Variants in NEGR1 observed in about 807,000 individuals in gnomAD.
NEGR1 encodes neuronal growth regulator 1.
Under a neutral mutation model 40.9 loss-of-function variants are expected in NEGR1, and 10 were observed. That is an observed-to-expected ratio of 0.24 (90% CI 0.15 to 0.42). The LOEUF is 0.42. Ranked by LOEUF, NEGR1 falls within the 10% of genes least tolerant of loss-of-function variation. NEGR1 has a pLI of 1.00. For missense variants in NEGR1, 352 were observed against 438.9 expected (o/e 0.80, Z 1.77); for synonymous variants, 185 against 166.8 (o/e 1.11, Z -0.84).
At chr1:71,679,152 CA>C (rs1231046038) in intron 4 of NEGR1, among the ~76,000 whole-genome samples, 1 of 152,124 alleles carries the variant, frequency 6.6e-6, no homozygotes, top group African/African-American at 2.4e-5. Context: ...CTACTAACAT[CA>C]CATTGTATAA....
chr1:71,906,070 T>A (rs184388131), intron 2 of NEGR1, among the ~76,000 whole-genome samples: 10 of 152,218 alleles, frequency 6.6e-5, no homozygotes, highest in Admixed American at 5.9e-4. Flanking sequence ...ATTTCTTTAC[T>A]TTGCTTCTGG....
chr1:71,913,242 G>A (rs1351809688), intron 2 of NEGR1, among the ~76,000 whole-genome samples: 7 of 152,106 alleles, frequency 4.6e-5, no homozygotes. Flanking sequence ...CAGCCTCCAA[G>A]TAGCTGGGAT....
At chr1:71,760,049 C>T (rs1471087001) in intron 3 of NEGR1, among the ~76,000 whole-genome samples, 1 of 152,060 alleles carries the variant, frequency 6.6e-6, no homozygotes, top group Non-Finnish European at 1.5e-5. Flanking sequence ...ATGTGGACAG[C>T]CTAATGTTAA....
chr1:71,961,408 A>G (rs751374206), intron 1 of NEGR1, among the ~76,000 whole-genome samples: 45 of 152,172 alleles, frequency 3.0e-4, no homozygotes, highest in Non-Finnish European at 4.7e-4. Context: ...AAATGCCAAG[A>G]GGGTAAGGCT....
At chr1:71,879,665 A>T (rs1226352772) in intron 2 of NEGR1, among the ~76,000 whole-genome samples, 1 of 152,166 alleles carries the variant, frequency 6.6e-6, no homozygotes, top group Non-Finnish European at 1.5e-5. Context: ...TCTCTATGAA[A>T]AACAACATAA....
At chr1:72,148,864 A>G (rs148903978) in intron 1 of NEGR1, among the ~76,000 whole-genome samples, 160 of 152,272 alleles carry the variant, frequency 1.1e-3, no homozygotes, top group Non-Finnish European at 1.7e-3. Flanking sequence ...TTGCAAAGCC[A>G]TTCAACAAGT....
intron 6 of NEGR1, among the ~76,000 whole-genome samples, chr1:71,412,233 G>A (rs1026760240): frequency 6.6e-6 from 1 of 152,104 alleles, no homozygotes; most frequent in African/African-American, 2.4e-5. Context: ...AGCACATAGA[G>A]TGTTTCATTA....
At chr1:71,700,281 T>C (rs908219971) in intron 3 of NEGR1, among the ~76,000 whole-genome samples, 1 of 152,092 alleles carries the variant, frequency 6.6e-6, no homozygotes, top group South Asian at 2.1e-4. Flanking sequence ...AGATTAAATA[T>C]CTTGCTAAAG....
chr1:71,910,459 T>C (rs746094758), intron 2 of NEGR1, among the ~76,000 whole-genome samples: 4 of 152,202 alleles, frequency 2.6e-5, no homozygotes, highest in Non-Finnish European at 5.9e-5. Flanking sequence ...TGATTGATTA[T>C]ACAATTTGAT....
intron 1 of NEGR1, among the ~76,000 whole-genome samples, chr1:72,020,566 G>A (rs1360685172): frequency 1.3e-5 from 2 of 151,652 alleles, no homozygotes; most frequent in Non-Finnish European, 2.9e-5. Flanking sequence ...TGAAATACAA[G>A]AACGAACACT....
At chr1:71,990,083 T>G (rs1342181804) in intron 1 of NEGR1, among the ~76,000 whole-genome samples, 1 of 152,224 alleles carries the variant, frequency 6.6e-6, no homozygotes, top group Non-Finnish European at 1.5e-5. Context: ...TAAAATACTT[T>G]TATTATCAAC....
At chr1:71,435,235 T>A (rs1646501063) in intron 6 of NEGR1, among the ~76,000 whole-genome samples, 1 of 152,214 alleles carries the variant, frequency 6.6e-6, no homozygotes, top group South Asian at 2.1e-4. Context: ...GCAGGCCTTC[T>A]ATAAGAGAGT....
At position 71,592,965 on chromosome 1, in the gene NEGR1, G is replaced by T. The variant is rs1290717485; in HGVS notation, c.792C>A (p.Leu264=). Residue 264 remains leucine (L), a synonymous_variant, in exon 6 of 7, where the codon CTC becomes CTA. Transcript: ENST00000357731. ...TAATAATTCCTTGTTGGCCATTGAA[G>T]AGCCTAGAAGACAAAATAAGCTCTA... The part of the protein sequence containing the change: ...AFEWYKGEKK[L]FNGQQGIIIQ... The T allele has an allele frequency of 2.5e-6, 4 of 1,607,648 alleles. No individual in the cohort carries two copies. Among genetic ancestry groups the T allele is most frequent in the Non-Finnish European group, 3.4e-6 (4 of 1,174,442 alleles).
chr1:72,185,238 A>C (rs2100419556), intron 1 of NEGR1, among the ~76,000 whole-genome samples: 1 of 152,018 alleles, frequency 6.6e-6, no homozygotes, highest in Middle Eastern at 3.4e-3. Flanking sequence ...CAATTATTAA[A>C]GAAGAGACCA....
chr1:71,534,264 T>G (rs1383159386), intron 6 of NEGR1, among the ~76,000 whole-genome samples: 2 of 151,710 alleles, frequency 1.3e-5, no homozygotes, highest in Non-Finnish European at 1.5e-5. Flanking sequence ...GAACTCACAT[T>G]CCTTCCTTTT....
At chr1:71,531,249 C>T (rs1390996225) in intron 6 of NEGR1, among the ~76,000 whole-genome samples, 1 of 151,300 alleles carries the variant, frequency 6.6e-6, no homozygotes, top group Middle Eastern at 3.2e-3. Context: ...CTAGGTACCA[C>T]TTCTTAAAAT....
Position 72,155,957 on chromosome 1 carries a change from C to T in NEGR1, c.176+126362G>A, listed in dbSNP as rs148396903. The stretch of plus-strand genomic sequence containing the variant: ...CAATGAAATGTCACATTTGACTTAT[C>T]CAAGAAACAGGGTGGTCTGCAACAA... On this transcript the variant is annotated intron_variant, in intron 1 of 6. Transcript: ENST00000357731. 9.6e-4 allele frequency among the ~76,000 whole-genome samples: 146 copies of T among 152,150 alleles called. 1 individual carries two copies. Among genetic ancestry groups the T allele is most frequent in the Middle Eastern group, 3.4e-3 (1 of 294 alleles).
intron 1 of NEGR1, among the ~76,000 whole-genome samples, chr1:72,062,535 A>G (rs1454900167): frequency 1.3e-5 from 2 of 151,990 alleles, no homozygotes; most frequent in African/African-American, 2.4e-5. Flanking sequence ...TTCAATAAAC[A>G]TAACTAGAGC....
intron 1 of NEGR1, among the ~76,000 whole-genome samples, chr1:72,226,537 C>T (rs1654196119): frequency 6.6e-6 from 1 of 151,870 alleles, no homozygotes; most frequent in Non-Finnish European, 1.5e-5. Flanking sequence ...CCTAACTGTC[C>T]AAGGAGAACT....
Sources: gnomAD v4.1 joint callset for allele counts (sites outside exome capture counted in the v4.1 genomes callset) on GRCh38, gnomAD v4.1.1 for gene constraint, MANE v1.5 for transcripts, NCBI Gene and HGNC (gene_info 2026-07-23, HGNC 2026-07-21) for gene names.